MCTP1: variants seen among roughly 807,000 people sequenced by gnomAD.
MCTP1 encodes the protein multiple C2 and transmembrane domain-containing protein 1.
Under a neutral mutation model 120.6 loss-of-function variants are expected in MCTP1, and 69 were observed. That is an observed-to-expected ratio of 0.57 (90% confidence interval 0.47 to 0.70). MCTP1 has a LOEUF of 0.70. Ranked by LOEUF, MCTP1 falls within the 30% of genes least tolerant of loss-of-function variation. The pLI is 0.00. For missense variants in MCTP1, 1,203 were observed against 1,248.8 expected, an observed-to-expected ratio of 0.96 and a Z score of 0.55; for synonymous variants, 529 against 493.1, an observed-to-expected ratio of 1.07 and a Z score of -0.96.
At chr5:94,712,822 G>A (rs998577626) in intron 20 of MCTP1, among the ~76,000 whole-genome samples, 2 of 151,752 alleles carry the variant, frequency 1.3e-5, no homozygotes, top group Non-Finnish European at 2.9e-5. Flanking sequence ...CTGTGGCTCA[G>A]CTCAGAGTCA....
chr5:95,267,092 T>C (rs1160024331), intron 1 of MCTP1, among the ~76,000 whole-genome samples: 1 of 152,270 alleles, frequency 6.6e-6, no homozygotes, highest in African/African-American at 2.4e-5. Context: ...TTAGATTTTA[T>C]GTCTGAGAAA....
intron 1 of MCTP1, among the ~76,000 whole-genome samples, chr5:95,087,228 G>A (rs1445408947): frequency 2.0e-5 from 3 of 152,132 alleles, no homozygotes; most frequent in Admixed American, 1.3e-4. Flanking sequence ...CCTGCTTAGG[G>A]GTGACAGTAA....
rs757495107 is a variant in MCTP1, at chr5:94,909,326, T to C, written c.1577A>G (p.Tyr526Cys). 1.7e-5 allele frequency: 28 copies of C among 1,609,042 alleles called. No homozygotes were observed. The highest frequency in any genetic ancestry group is 2.1e-5 in the Non-Finnish European group (25 of 1,178,058). Residue 526 changes from tyrosine to cysteine, a missense_variant, in exon 10 of 23, where the codon TAT (tyrosine) becomes TGT (cysteine). Physicochemically the swap from Tyr to Cys is radical, Grantham distance 194. Coordinates refer to ENST00000515393, the MANE Select transcript of MCTP1 (RefSeq NM_024717.7). ...QWREQFDFHL[Y>C]EERGGVIDIT... is the part of the protein sequence containing the mutation. ...ATCAATGACTCCTCCTCTTTCTTCA[T>C]AAAGGTGAAAATCAAATTGTTCCCT...
chr5:95,076,612 T>G (rs147275583), intron 1 of MCTP1, among the ~76,000 whole-genome samples: 3 of 152,270 alleles, frequency 2.0e-5, no homozygotes, highest in Admixed American at 6.5e-5. Context: ...TGTCCACTGA[T>G]TGCTGACTTA....
chr5:95,261,468 G>T (rs1206148661), intron 1 of MCTP1, among the ~76,000 whole-genome samples: 18 of 152,154 alleles, frequency 1.2e-4, no homozygotes, highest in Non-Finnish European at 5.9e-5. Context: ...TGTAATAAAT[G>T]ATTTTTTGTA....
At chr5:95,138,298 T>C (rs1422785359) in intron 1 of MCTP1, among the ~76,000 whole-genome samples, 1 of 150,088 alleles carries the variant, frequency 6.7e-6, no homozygotes, top group East Asian at 2.0e-4. Flanking sequence ...GCATTGAGAC[T>C]AGCTGCGCCA....
intron 1 of MCTP1, among the ~76,000 whole-genome samples, chr5:95,282,427 A>G (rs1023365968): frequency 2.6e-5 from 4 of 152,210 alleles, no homozygotes; most frequent in African/African-American, 9.6e-5. Context: ...AAAGAAAAAA[A>G]TGTAAAGTTC....
At chr5:95,180,505 G>A (rs1293118527) in intron 1 of MCTP1, among the ~76,000 whole-genome samples, 1 of 152,148 alleles carries the variant, frequency 6.6e-6, no homozygotes, top group Non-Finnish European at 1.5e-5. Flanking sequence ...TGGTTTCTGG[G>A]CACTGTGCTT....
At chr5:95,096,382 A>G (rs1756267165) in intron 1 of MCTP1, among the ~76,000 whole-genome samples, 1 of 152,228 alleles carries the variant, frequency 6.6e-6, no homozygotes. Flanking sequence ...CACAAAAGGA[A>G]TAAACCTCTT....
At chr5:95,251,320 G>A (rs1562278235) in intron 1 of MCTP1, among the ~76,000 whole-genome samples, 1 of 152,046 alleles carries the variant, frequency 6.6e-6, no homozygotes, top group African/African-American at 2.4e-5. Flanking sequence ...CCTAAAGAAT[G>A]TCAGTATGCC....
intron 18 of MCTP1, among the ~76,000 whole-genome samples, chr5:94,781,508 G>A (rs1231142663): frequency 6.6e-6 from 1 of 152,120 alleles, no homozygotes; most frequent in Non-Finnish European, 1.5e-5. Context: ...CCTAATCAAT[G>A]ATGCAGATTT....
intron 2 of MCTP1, among the ~76,000 whole-genome samples, chr5:94,991,570 A>G (rs450767): frequency 0.84 from 127,706 of 152,154 alleles, 53,744 homozygotes; most frequent in African/African-American, 0.88. Context: ...TTAGTGTGAC[A>G]TTTAAGAAGA....
intron 1 of MCTP1, among the ~76,000 whole-genome samples, chr5:95,235,622 T>A (rs539940595): frequency 2.8e-4 from 43 of 152,272 alleles, no homozygotes; most frequent in East Asian, 5.8e-4. Context: ...AAATTTTTTT[T>A]AAAAAGTGTA....
chr5:94,926,202 CA>C lies in MCTP1; in HGVS notation c.1213-2182del, dbSNP rs1813074782. Among the ~76,000 whole-genome samples the C allele has an allele frequency of 2.6e-5, 4 of 152,216 alleles. 1 individual carries two copies. In the South Asian group the frequency reaches 8.3e-4, roughly 32 times the overall value. Reference sequence around the variant, plus strand: ...ATTTTAAAATTAGTCGTAATGTGTACAGAGCTTTAAACATAACACATACTAT... The same window carrying C: ...ATTTTAAAATTAGTCGTAATGTGTACGAGCTTTAAACATAACACATACTAT... On this transcript the variant is annotated intron_variant, in intron 6 of 22. Coordinates refer to ENST00000515393, the MANE Select transcript of MCTP1 (RefSeq NM_024717.7).
chr5:94,965,929 C>A lies in MCTP1; in HGVS notation c.839-12568G>T, dbSNP rs368135679. ...CAAGGCAATATCTTTGAAGCAGAGACCAGGCCCTTACTGGACACCAAACCG... is the reference window on the plus strand; with the variant it reads ...CAAGGCAATATCTTTGAAGCAGAGAACAGGCCCTTACTGGACACCAAACCG... On this transcript the variant is annotated intron_variant, in intron 2 of 22. Transcript: ENST00000515393. Among the ~76,000 whole-genome samples, 421 of 152,250 alleles carry A rather than the reference C, an allele frequency of 2.8e-3. 2 individuals are homozygous for A. Among genetic ancestry groups the A allele is most frequent in the Middle Eastern group, 0.01 (3 of 294 alleles).
chr5:94,740,891 A>C (rs920664552), intron 19 of MCTP1, among the ~76,000 whole-genome samples: 5 of 152,234 alleles, frequency 3.3e-5, no homozygotes, highest in Non-Finnish European at 7.3e-5. Context: ...AGGTGAGATT[A>C]ATCAAAGAAG....
At chr5:95,055,734 A>G (rs1045990971) in intron 1 of MCTP1, among the ~76,000 whole-genome samples, 156 of 152,314 alleles carry the variant, frequency 1.0e-3, no homozygotes, top group East Asian at 5.8e-4. Flanking sequence ...CATACTAGCT[A>G]TATCCCCCTG....
At chr5:95,149,183 T>C (rs1760674332) in intron 1 of MCTP1, among the ~76,000 whole-genome samples, 1 of 152,214 alleles carries the variant, frequency 6.6e-6, no homozygotes, top group Non-Finnish European at 1.5e-5. Flanking sequence ...TTGTTAGGTG[T>C]TATAGGCTTA....
At chr5:95,101,090 T>TA (rs72081366) in intron 1 of MCTP1, among the ~76,000 whole-genome samples, 6,853 of 147,558 alleles carry the variant, frequency 0.046, 480 homozygotes, top group African/African-American at 0.15. Flanking sequence ...AGAAAGAAAG[T>TA]AAAAAAAAAA....
Sources: gnomAD v4.1 joint callset for allele counts (sites outside exome capture counted in the v4.1 genomes callset) on GRCh38, gnomAD v4.1.1 for gene constraint, MANE v1.5 for transcripts, NCBI Gene and HGNC (gene_info 2026-07-23, HGNC 2026-07-21) for gene names.